Variants in LRP5 observed in about 807,000 individuals in gnomAD.
LRP5 encodes LDL receptor related protein 5, also known as low-density lipoprotein receptor-related protein 5.
In LRP5, 62 loss-of-function variants were observed where a neutral mutation model predicts 154.1. The observed-to-expected ratio is 0.40, with a 90% CI of 0.33 to 0.50. The LOEUF (loss-of-function observed/expected upper bound fraction) is 0.50. LRP5 is among the 20% of genes least tolerant of loss of function. LRP5 has a pLI of 0.55. For synonymous variants in LRP5, 966 were observed against 1,011.5 expected, an observed-to-expected ratio of 0.96 and a Z score of 0.85; for missense variants, 1,915 against 2,336.7, an observed-to-expected ratio of 0.82 and a Z score of 3.72.
At chr11:68,420,147 C>T (rs995358097) in intron 13 of LRP5, among the ~76,000 whole-genome samples, 3 of 152,212 alleles carry the variant, frequency 2.0e-5, no homozygotes, top group Non-Finnish European at 4.4e-5. Context: ...ACGAGGTAAC[C>T]ATCACTGCCA....
chr11:68,350,390 G>A (rs2098617252), intron 2 of LRP5, among the ~76,000 whole-genome samples: 1 of 152,240 alleles, frequency 6.6e-6, no homozygotes, highest in African/African-American at 2.4e-5. Flanking sequence ...CATGCATCCA[G>A]GCCTGCCACA....
chr11:68,406,250 C>T (rs1034374780), intron 8 of LRP5, among the ~76,000 whole-genome samples: 2 of 152,204 alleles, frequency 1.3e-5, no homozygotes, highest in Admixed American at 1.3e-4. Context: ...TCCCACCACC[C>T]CCACTACTGT....
intron 7 of LRP5, among the ~76,000 whole-genome samples, chr11:68,391,580 G>A (rs2098646369): frequency 6.6e-6 from 1 of 152,234 alleles, no homozygotes; most frequent in African/African-American, 2.4e-5. Flanking sequence ...CTGAGCGGGA[G>A]GAGTCTCAGC....
chr11:68,439,116 G>A (rs533700530), intron 20 of LRP5, among the ~76,000 whole-genome samples: 2 of 152,208 alleles, frequency 1.3e-5, no homozygotes, highest in Non-Finnish European at 2.9e-5. Flanking sequence ...CGTGGCCCAG[G>A]CACCAGGAAC....
chr11:68,381,240 G>C (rs1379230536), intron 5 of LRP5, among the ~76,000 whole-genome samples: 1 of 152,222 alleles, frequency 6.6e-6, no homozygotes, highest in Non-Finnish European at 1.5e-5. Context: ...CAGACGTCTT[G>C]ACTTTTGATT....
intron 2 of LRP5, among the ~76,000 whole-genome samples, chr11:68,349,189 C>T (rs763424844): frequency 9.9e-5 from 15 of 151,816 alleles, no homozygotes; most frequent in African/African-American, 1.7e-4. Flanking sequence ...CCCACCACCA[C>T]GCCCAGCTAA....
chr11:68,303,000 C>A, the LRP5 span, among the ~76,000 whole-genome samples: 4 of 152,174 alleles, frequency 2.6e-5, no homozygotes, highest in African/African-American at 7.2e-5. Flanking sequence ...TTTCCTACTC[C>A]CTCTGTTCCT....
intron 1 of LRP5, among the ~76,000 whole-genome samples, chr11:68,332,890 G>C (rs2098603702): frequency 6.6e-6 from 1 of 152,174 alleles, no homozygotes; most frequent in African/African-American, 2.4e-5. Flanking sequence ...GGTGCTTGAA[G>C]ATGTCAGCAA....
At chr11:68,337,177 A>AG (rs1413192902) in intron 1 of LRP5, among the ~76,000 whole-genome samples, 1 of 152,236 alleles carries the variant, frequency 6.6e-6, no homozygotes, top group Admixed American at 6.5e-5. Flanking sequence ...GCCAGGCATC[A>AG]GGGCAGATTG....
intron 5 of LRP5, among the ~76,000 whole-genome samples, chr11:68,368,357 C>G (rs1244864099): frequency 6.6e-6 from 1 of 152,210 alleles, no homozygotes; most frequent in African/African-American, 2.4e-5. Flanking sequence ...TCAGAGGTCT[C>G]TCTCAGGAGG....
rs1456874841 is a variant in LRP5 at position 68,447,190 on chromosome 11, C to T, written c.4586+657C>T. The T allele has an allele frequency of 6.4e-6, 1 of 156,128 alleles. No homozygotes were observed. Among genetic ancestry groups the T allele is most frequent in the African/African-American group, 2.4e-5 (1 of 41,462 alleles). 9.7% of individuals were successfully genotyped at this position (156,128 alleles called of 1,614,324 possible). On this transcript the variant is annotated intron_variant, in intron 22 of 22. Transcript: ENST00000294304. The surrounding 1 kb of genome is among the most constrained non-coding windows in gnomAD (Gnocchi z 4.3). ...GGTCTCCGCAGGGGCTGGATCAGAG[C>T]CTGGGATGGGCAGGGTGAGCCTCCT...
chr11:68,384,000 T>C (rs1212459076), intron 5 of LRP5, among the ~76,000 whole-genome samples: 2 of 152,180 alleles, frequency 1.3e-5, no homozygotes, highest in African/African-American at 4.8e-5. Flanking sequence ...CTCTCAGAGA[T>C]TTCCATTGTA....
intron 7 of LRP5, among the ~76,000 whole-genome samples, chr11:68,397,222 C>G (rs2098649922): frequency 6.6e-6 from 1 of 152,166 alleles, no homozygotes; most frequent in Non-Finnish European, 1.5e-5. Context: ...GAGCGTCTCC[C>G]CTCTGCCCTG....
chr11:68,401,320 G>A (rs981077780), intron 7 of LRP5, among the ~76,000 whole-genome samples: 2 of 152,122 alleles, frequency 1.3e-5, no homozygotes, highest in Admixed American at 1.3e-4. Flanking sequence ...ATTGCACACC[G>A]GAGCATCCAG....
chr11:68,416,383 G>A lies in LRP5; in HGVS notation c.2883G>A (p.Pro961=), dbSNP rs150031686. The change falls in exon 13 of 23, where the codon CCG becomes CCA. Residue 961 remains proline (P), a synonymous_variant. Transcript: ENST00000294304. The part of the protein sequence containing the change: ...SQKSAISRMI[P]DDQHSPDLIL... ...AATCTGCCATCAGTCGGATGATCCC[G>A]GACGACCAGCACAGCCCGGATCTCA... 40 of 1,614,134 alleles carry A rather than the reference G, an allele frequency of 2.5e-5. No homozygotes were observed. In the African/African-American group the frequency reaches 2.5e-4, roughly 10 times the overall value.
In LRP5 at chr11:68,312,746, CGCTGCT is replaced by C. The variant is rs72555376; in HGVS notation, c.55_60del (p.Leu19_Leu20del). On this transcript the variant is annotated inframe_deletion, in exon 1 of 23. Coordinates refer to ENST00000294304, the MANE Select transcript of LRP5 (RefSeq NM_002335.4). The stretch of plus-strand genomic sequence containing the variant: ...GCAGCGCCGCCCGGGCCGCCGTGGC[CGCTGCT>C]GCTGCTGCTGCTGCTGCTGCTGGCG... 326 of 1,060,390 alleles carry C rather than the reference CGCTGCT, an allele frequency of 3.1e-4. No individual in the cohort carries two copies. Among genetic ancestry groups the C allele is most frequent in the Middle Eastern group, 2.7e-3 (6 of 2,242 alleles). The allele number at this position is 1,060,390 out of a possible 1,614,324, so 65.7% of individuals were successfully genotyped here.
chr11:68,360,403 A>G lies in LRP5; in HGVS notation c.686+2556A>G, dbSNP rs371018871. Reference sequence around the variant, plus strand: ...AGCTAGTCCCAGCCAGGGTTGGAACATAGGGTCTGTAGCTCCAGGTCTGGT... The same window carrying G: ...AGCTAGTCCCAGCCAGGGTTGGAACGTAGGGTCTGTAGCTCCAGGTCTGGT... On this transcript the variant is annotated intron_variant, in intron 3 of 22. Coordinates refer to ENST00000294304, the MANE Select transcript of LRP5 (RefSeq NM_002335.4). 6.0e-5 allele frequency among the ~76,000 whole-genome samples: 4 copies of G among 67,048 alleles called. No homozygotes were observed. The East Asian group carries it at 1.4e-3, about 23-fold the overall frequency. The allele number at this position is 67,048 out of a possible 152,430, so 44.0% of individuals were successfully genotyped here. A position where few individuals can be genotyped will look rare whatever the true frequency, so the allele number is the denominator to read the frequency against.
rs183856164 is a variant in LRP5 at position 68,362,792 on chromosome 11, T to C, written c.687-955T>C. ...AAATGAACAGAAGAGGTGGTGGATC[T>C]GCAGAGCCCACAGCTCCCATCTTCC... On this transcript the variant is annotated intron_variant, in intron 3 of 22. Coordinates refer to ENST00000294304, the MANE Select transcript of LRP5 (RefSeq NM_002335.4). Among the ~76,000 whole-genome samples, 32 of 152,332 alleles carry C rather than the reference T, an allele frequency of 2.1e-4. 1 individual carries two copies. Among genetic ancestry groups the C allele is most frequent in the Admixed American group, 1.9e-3 (29 of 15,302 alleles).
chr11:68,403,882 G>A, intron 8 of LRP5, 183 bp downstream of exon 8: 2 of 657,894 alleles, frequency 3.0e-6, no homozygotes, highest in South Asian at 1.9e-5. Context: ...GCTGATTAGG[G>A]AGTGGTTATG....
Sources: gnomAD v4.1 joint callset for allele counts (sites outside exome capture counted in the v4.1 genomes callset) on GRCh38, gnomAD v4.1.1 for gene constraint, Gnocchi (gnomAD v3.1) non-coding constraint, MANE v1.5 for transcripts, NCBI Gene and HGNC (gene_info 2026-07-23, HGNC 2026-07-21) for gene names.